Variants in BABAM2 observed in about 807,000 individuals in gnomAD.
The protein encoded by BABAM2 is BRISC and BRCA1 A complex member 2.
Under a neutral mutation model 54.7 loss-of-function variants are expected in BABAM2, and 31 were observed. That is an observed-to-expected ratio of 0.57 (90% confidence interval 0.43 to 0.77). BABAM2 has a LOEUF of 0.77. Ranked by LOEUF, BABAM2 falls within the 30% of genes least tolerant of loss-of-function variation. The pLI is 0.00. For missense variants in BABAM2, 364 were observed against 455.8 expected (o/e 0.80, Z 1.83); for synonymous variants, 167 against 162.9 (o/e 1.03, Z -0.19).
chr2:27,996,753 T>G (rs1012166362), intron 4 of BABAM2, among the ~76,000 whole-genome samples: 8 of 152,102 alleles, frequency 5.3e-5, no homozygotes, highest in African/African-American at 1.9e-4. Context: ...TACCCTAAAT[T>G]TGCAAATGTC....
chr2:28,139,931 A>G (rs938077686), intron 7 of BABAM2, among the ~76,000 whole-genome samples: 1 of 152,180 alleles, frequency 6.6e-6, no homozygotes, highest in African/African-American at 2.4e-5. Flanking sequence ...TTGCCACATT[A>G]CAGACAGAGT....
At chr2:27,901,076 A>C (rs973765181) in intron 2 of BABAM2, among the ~76,000 whole-genome samples, 1 of 151,746 alleles carries the variant, frequency 6.6e-6, no homozygotes, top group Non-Finnish European at 1.5e-5. Context: ...AATTATAGTA[A>C]AGTGTATTAT....
At chr2:28,058,473 C>G (rs1040376493) in intron 6 of BABAM2, among the ~76,000 whole-genome samples, 1 of 151,900 alleles carries the variant, frequency 6.6e-6, no homozygotes, top group South Asian at 2.1e-4. Flanking sequence ...TTATCATAGT[C>G]AGGGCTCAAG....
At chr2:28,288,416 C>A (rs1179901188) in intron 10 of BABAM2, among the ~76,000 whole-genome samples, 1 of 151,604 alleles carries the variant, frequency 6.6e-6, no homozygotes, top group African/African-American at 2.4e-5. Flanking sequence ...ACCTCCCCCT[C>A]CCCGGTTCAA....
intron 6 of BABAM2, among the ~76,000 whole-genome samples, chr2:28,104,353 A>C (rs1264428880): frequency 5.9e-5 from 9 of 152,240 alleles, no homozygotes; most frequent in African/African-American, 2.2e-4. Flanking sequence ...AAAAAAACAA[A>C]CAACCCCATC....
chr2:28,299,648 A>G (rs895708113), intron 11 of BABAM2, among the ~76,000 whole-genome samples: 2 of 152,336 alleles, frequency 1.3e-5, no homozygotes, highest in South Asian at 2.1e-4. Context: ...TGATAAACGA[A>G]TTAGAAATTG....
chr2:28,032,767 A>G (rs2148584511), intron 5 of BABAM2, among the ~76,000 whole-genome samples: 1 of 152,290 alleles, frequency 6.6e-6, no homozygotes, highest in South Asian at 2.1e-4. Context: ...TTCTGCCTGC[A>G]TGCTCGGAGT....
intron 10 of BABAM2, among the ~76,000 whole-genome samples, chr2:28,250,346 C>G (rs1240082048): frequency 9.6e-6 from 1 of 104,348 alleles, no homozygotes. Context: ...TTTTAGCTAT[C>G]TAATATTGAA....
intron 10 of BABAM2, among the ~76,000 whole-genome samples, chr2:28,269,780 G>A (rs542068946): frequency 6.6e-6 from 1 of 152,106 alleles, no homozygotes; most frequent in African/African-American, 2.4e-5. Context: ...CATGGGCTGT[G>A]GAAAGATTAG....
rs773017935 is a variant in BABAM2 at position 28,310,166 on chromosome 2, G to A, written c.1088+11675G>A. 24 of 1,612,456 alleles carry A rather than the reference G, an allele frequency of 1.5e-5. No individual in the cohort carries two copies. The African/African-American group carries it at 1.6e-4, about 11-fold the overall frequency. ...CCAAATTGCATAGGTCAGTGAGAACGTGTTATTTATTAGAACCTGACATCT... is the reference window on the plus strand; with the variant it reads ...CCAAATTGCATAGGTCAGTGAGAACATGTTATTTATTAGAACCTGACATCT... On this transcript the variant is annotated intron_variant, in intron 11 of 11. Coordinates refer to ENST00000379624, the MANE Select transcript of BABAM2 (RefSeq NM_199191.3).
intron 6 of BABAM2, among the ~76,000 whole-genome samples, chr2:28,088,798 T>G (rs1665904177): frequency 6.6e-6 from 1 of 152,204 alleles, no homozygotes; most frequent in African/African-American, 2.4e-5. Flanking sequence ...ATTTGGATCT[T>G]GAGGGCCAAT....
chr2:27,934,160 C>G (rs1008356004), intron 3 of BABAM2, among the ~76,000 whole-genome samples: 19 of 151,804 alleles, frequency 1.3e-4, no homozygotes, highest in African/African-American at 4.6e-4. Context: ...TTATTTCATG[C>G]CTTTGTGTCA....
At chr2:28,155,802 C>T (rs903980455) in intron 7 of BABAM2, among the ~76,000 whole-genome samples, 2 of 152,172 alleles carry the variant, frequency 1.3e-5, no homozygotes, top group Non-Finnish European at 2.9e-5. Flanking sequence ...CCCATACCAA[C>T]CACCAGATGG....
intron 7 of BABAM2, among the ~76,000 whole-genome samples, chr2:28,201,599 TA>T (rs66496889): frequency 0.012 from 1,861 of 152,230 alleles, 24 homozygotes; most frequent in Non-Finnish European, 0.019. Context: ...TAATTTTGCT[TA>T]AAAGCTCTTC....
chr2:28,054,422 A>G (rs1035796646), intron 6 of BABAM2, among the ~76,000 whole-genome samples: 1 of 152,222 alleles, frequency 6.6e-6, no homozygotes, highest in African/African-American at 2.4e-5. Context: ...CAAACTGTTA[A>G]AATGACGTTA....
intron 7 of BABAM2, among the ~76,000 whole-genome samples, chr2:28,212,769 A>G (rs544532080): frequency 3.3e-5 from 5 of 152,344 alleles, no homozygotes; most frequent in Admixed American, 1.3e-4. Context: ...ATTGTCCAGT[A>G]TCAGGTGACA....
At chr2:28,117,582 C>A (rs957861632) in intron 6 of BABAM2, among the ~76,000 whole-genome samples, 1 of 152,194 alleles carries the variant, frequency 6.6e-6, no homozygotes, top group Non-Finnish European at 1.5e-5. Flanking sequence ...CTTCTCCCAG[C>A]AGGTTGGCTT....
chr2:28,265,434 A>G (rs1573962595), intron 10 of BABAM2, among the ~76,000 whole-genome samples: 1 of 152,314 alleles, frequency 6.6e-6, no homozygotes, highest in Non-Finnish European at 1.5e-5. Context: ...CTCAAAATAA[A>G]TAAATAAATA....
At chr2:28,093,938 G>A (rs1164457814) in intron 6 of BABAM2, among the ~76,000 whole-genome samples, 1 of 152,098 alleles carries the variant, frequency 6.6e-6, no homozygotes. Context: ...AGTGTATATG[G>A]GAAGCCAGGC....
Sources: allele counts gnomAD v4.1 joint callset (sites outside exome capture counted in the v4.1 genomes callset), GRCh38; gene constraint gnomAD v4.1.1; transcripts MANE v1.5; gene names NCBI Gene and HGNC (gene_info 2026-07-23, HGNC 2026-07-21).